PTPRD: variants seen among roughly 807,000 people sequenced by gnomAD.
The protein encoded by PTPRD is receptor-type tyrosine-protein phosphatase delta.
A neutral mutation model predicts 214.5 loss-of-function variants in PTPRD; 34 were observed. The observed-to-expected ratio is 0.16, with a 90% CI of 0.12 to 0.21. The LOEUF (loss-of-function observed/expected upper bound fraction) is 0.21. Among genes scored for constraint, PTPRD ranks in the 10% least tolerant of loss-of-function variants. The pLI is 1.00. For synonymous variants in PTPRD, 1,128 were observed against 845.7 expected (o/e 1.33, Z -5.79); for missense variants, 2,545 against 2,398.7 (o/e 1.06, Z -1.27).
rs189528720 is a variant in PTPRD at position 8,813,584 on chromosome 9, G to A, written c.-103-79638C>T. On this transcript the variant is annotated intron_variant, in intron 11 of 45. Coordinates refer to ENST00000381196, the MANE Select transcript of PTPRD (RefSeq NM_002839.4). ...GACAAGGTCTTGCTTTGTTACCCAC[G>A]CTGGACTCAAACTCCTAGGCTAAAG... Among the ~76,000 whole-genome samples, 160 of 152,102 alleles carry A rather than the reference G, an allele frequency of 1.1e-3. 1 individual carries two copies. Among genetic ancestry groups the A allele is most frequent in the African/African-American group, 3.5e-3 (147 of 41,506 alleles).
At chr9:8,824,661 A>G (rs1409235654) in intron 11 of PTPRD, among the ~76,000 whole-genome samples, 1 of 152,216 alleles carries the variant, frequency 6.6e-6, no homozygotes, top group Non-Finnish European at 1.5e-5. Context: ...GTTGGAACTA[A>G]GCTGATACCG....
chr9:9,097,015 G>A (rs891290853), intron 10 of PTPRD, among the ~76,000 whole-genome samples: 3 of 152,128 alleles, frequency 2.0e-5, no homozygotes, highest in Admixed American at 6.5e-5. Flanking sequence ...GAACTAAACA[G>A]CAACACTTGA....
chr9:9,298,010 G>A (rs1953758863), intron 9 of PTPRD, among the ~76,000 whole-genome samples: 1 of 151,684 alleles, frequency 6.6e-6, no homozygotes, highest in Non-Finnish European at 1.5e-5. Flanking sequence ...CATAGTAGAT[G>A]CTAGGGAATA....
chr9:9,421,754 T>C lies in PTPRD; in HGVS notation c.-236-24272A>G, dbSNP rs570706179. On this transcript the variant is annotated intron_variant, in intron 8 of 45. Coordinates refer to ENST00000381196, the MANE Select transcript of PTPRD (RefSeq NM_002839.4). ...CTGTACCCTTATTGAAAAGCTCGTT[T>C]GGTATTGTAGCTAATAGGATTTGAC... Among the ~76,000 whole-genome samples, 71 of 152,228 alleles carry C rather than the reference T, an allele frequency of 4.7e-4. 1 individual carries two copies. The highest frequency in any genetic ancestry group is 5.0e-4 in the Non-Finnish European group (34 of 67,970).
intron 3 of PTPRD, among the ~76,000 whole-genome samples, chr9:10,188,686 A>G (rs887148995): frequency 1.2e-4 from 18 of 152,156 alleles, no homozygotes; most frequent in African/African-American, 3.9e-4. Flanking sequence ...GTGCATGAGC[A>G]TTCACATGTC....
chr9:9,831,569 C>G (rs540343127), intron 5 of PTPRD, among the ~76,000 whole-genome samples: 1 of 151,954 alleles, frequency 6.6e-6, no homozygotes, highest in African/African-American at 2.4e-5. Context: ...ATTCTTTTTC[C>G]TGTAGGAGTT....
At chr9:9,426,586 C>A (rs1394811940) in intron 8 of PTPRD, among the ~76,000 whole-genome samples, 1 of 152,162 alleles carries the variant, frequency 6.6e-6, no homozygotes, top group Non-Finnish European at 1.5e-5. Context: ...AGTTTGAGAT[C>A]TGAGAACGGA....
At chr9:9,962,825 G>C (rs553965109) in intron 4 of PTPRD, among the ~76,000 whole-genome samples, 7 of 152,024 alleles carry the variant, frequency 4.6e-5, no homozygotes, top group African/African-American at 1.4e-4. Context: ...GTTCAATAAA[G>C]ACTGTTCCCA....
chr9:10,460,874 G>C (rs2098953322), intron 2 of PTPRD, among the ~76,000 whole-genome samples: 1 of 151,942 alleles, frequency 6.6e-6, no homozygotes, highest in African/African-American at 2.4e-5. Context: ...GGCTACAAAA[G>C]CAAACATAAA....
At chr9:8,411,808 GTTC>G (rs1031158630) in intron 35 of PTPRD, among the ~76,000 whole-genome samples, 3 of 152,144 alleles carry the variant, frequency 2.0e-5, no homozygotes, top group Non-Finnish European at 4.4e-5. Flanking sequence ...TATAGGTGAT[GTTC>G]TTTTTTTATT....
At chr9:8,675,320 A>G (rs148588903) in intron 12 of PTPRD, among the ~76,000 whole-genome samples, 12 of 152,138 alleles carry the variant, frequency 7.9e-5, no homozygotes, top group African/African-American at 2.9e-4. Context: ...TGGAAATACA[A>G]AGGTTTTATC....
At chr9:10,416,993 A>G (rs539312374) in intron 2 of PTPRD, among the ~76,000 whole-genome samples, 4 of 151,946 alleles carry the variant, frequency 2.6e-5, no homozygotes, top group Non-Finnish European at 4.4e-5. Context: ...AACAACTTTT[A>G]TCTTCCAGAC....
intron 14 of PTPRD, among the ~76,000 whole-genome samples, chr9:8,568,104 A>C (rs1485334539): frequency 6.6e-6 from 1 of 152,154 alleles, no homozygotes; most frequent in Non-Finnish European, 1.5e-5. Flanking sequence ...TTATATTCTA[A>C]ATACTGCAAA....
chr9:9,581,092 A>T (rs2090629048), intron 7 of PTPRD, among the ~76,000 whole-genome samples: 1 of 152,146 alleles, frequency 6.6e-6, no homozygotes, highest in African/African-American at 2.4e-5. Flanking sequence ...CATAAAGCAG[A>T]TACATAACTA....
At chr9:8,774,517 T>A (rs1235372542) in intron 11 of PTPRD, among the ~76,000 whole-genome samples, 1 of 142,808 alleles carries the variant, frequency 7.0e-6, no homozygotes, top group Admixed American at 7.5e-5. Context: ...AAAATGCATG[T>A]GAAAAGTAAC....
chr9:8,508,873 A>ATGTG (rs1491033261), intron 21 of PTPRD, among the ~76,000 whole-genome samples: 1 of 96,484 alleles, frequency 1.0e-5, no homozygotes, highest in Non-Finnish European at 2.1e-5. Context: ...CTGTGTATAT[A>ATGTG]TATGTGTGTG....
chr9:8,885,646 G>A (rs556706918), intron 11 of PTPRD, among the ~76,000 whole-genome samples: 3 of 151,754 alleles, frequency 2.0e-5, no homozygotes, highest in Non-Finnish European at 4.4e-5. Flanking sequence ...ATGGGTGCCT[G>A]CCACCACACC....
chr9:8,856,912 T>G (rs1024616288), intron 11 of PTPRD, among the ~76,000 whole-genome samples: 1 of 152,184 alleles, frequency 6.6e-6, no homozygotes, highest in Non-Finnish European at 1.5e-5. Flanking sequence ...CACACCCACA[T>G]AAAAGCTACA....
At chr9:10,036,142 G>T (rs1344913876) in intron 3 of PTPRD, among the ~76,000 whole-genome samples, 2 of 152,094 alleles carry the variant, frequency 1.3e-5, no homozygotes, top group Non-Finnish European at 2.9e-5. Flanking sequence ...GTATTTCAAA[G>T]AAAGATACAA....
Sources: allele counts gnomAD v4.1 joint callset (sites outside exome capture counted in the v4.1 genomes callset), GRCh38; gene constraint gnomAD v4.1.1; transcripts MANE v1.5; gene names NCBI Gene and HGNC (gene_info 2026-07-23, HGNC 2026-07-21).